The following GLI2 variants were observed in gnomAD, a reference collection of about 807,000 sequenced individuals.
GLI2 encodes GLI family zinc finger 2.
GLI2 carries 22 observed loss-of-function variants against 78.9 expected under a neutral mutation model. The observed-to-expected ratio is 0.28, with a 90% CI of 0.20 to 0.40. The LOEUF (loss-of-function observed/expected upper bound fraction) is 0.40, where lower values mean the gene tolerates loss of function less well. Ranked by LOEUF, GLI2 falls within the 10% of genes least tolerant of loss-of-function variation. The pLI is 1.00. For synonymous variants in GLI2, 974 were observed against 963.7 expected (o/e 1.01, Z -0.20); for missense variants, 2,097 against 2,213.2 (o/e 0.95, Z 1.05).
intron 3 of GLI2, among the ~76,000 whole-genome samples, chr2:120,934,980 C>T (rs1181636032): frequency 3.9e-5 from 6 of 152,212 alleles, no homozygotes; most frequent in Admixed American, 3.9e-4. Flanking sequence ...ACTCTGTCCT[C>T]AGTCATTCAC....
chr2:120,902,216 T>C (rs1244444614), intron 2 of GLI2, among the ~76,000 whole-genome samples: 1 of 111,204 alleles, frequency 9.0e-6, no homozygotes, highest in Admixed American at 9.8e-5. Context: ...CTTGCCCCAT[T>C]GCTTCCCCCA....
At chr2:120,898,409 G>T (rs940708203) in intron 2 of GLI2, among the ~76,000 whole-genome samples, 5 of 152,342 alleles carry the variant, frequency 3.3e-5, no homozygotes, top group African/African-American at 1.2e-4. Context: ...GCAAATGGAT[G>T]TGAGCGAGGG....
Position 120,989,353 on chromosome 2 carries a change from A to G in GLI2, c.3388A>G (p.Asn1130Asp), listed in dbSNP as rs1683163640. 1.2e-6 allele frequency: 2 copies of G among 1,612,862 alleles called. No individual in the cohort carries two copies. The highest frequency in any genetic ancestry group is 2.2e-5 in the South Asian group (2 of 91,096). ...LNKNNMPVQW[N>D]EVSSGTVDAL... is the part of the protein sequence containing the mutation. ...CAAAAATAACATGCCTGTGCAGTGG[A>G]ATGAGGTGAGCTCCGGCACCGTAGA... Residue 1130 changes from asparagine to aspartate, a missense_variant, in exon 14 of 14, where the codon AAT (asparagine) becomes GAT (aspartate). By Grantham distance (23) the Asn-to-Asp change is conservative. Around this residue, in one of 5 missense-constraint regions of GLI2, gnomAD observed 1,290 missense variants for 1,261.7 expected, o/e 1.02. Coordinates refer to ENST00000361492, the MANE Select transcript of GLI2 (RefSeq NM_001374353.1).
chr2:120,831,523 A>G (rs1686360187), intron 2 of GLI2, among the ~76,000 whole-genome samples: 1 of 152,232 alleles, frequency 6.6e-6, no homozygotes, highest in African/African-American at 2.4e-5. Context: ...ACCCAGGAAA[A>G]TAAAAGCCAG....
intron 3 of GLI2, among the ~76,000 whole-genome samples, chr2:120,941,561 G>A (rs1680448675): frequency 6.6e-6 from 1 of 152,188 alleles, no homozygotes. Context: ...GCAGTAAGAA[G>A]TTCCAGTTTG....
intron 1 of GLI2, among the ~76,000 whole-genome samples, chr2:120,753,353 C>T (rs1682936795): frequency 6.6e-6 from 1 of 152,196 alleles, no homozygotes; most frequent in South Asian, 2.1e-4. Flanking sequence ...GCGTCGACCT[C>T]TGAAAGTGCT....
chr2:120,941,907 G>A (rs541817076), intron 3 of GLI2, among the ~76,000 whole-genome samples: 28 of 152,288 alleles, frequency 1.8e-4, no homozygotes, highest in Non-Finnish European at 1.6e-4. Flanking sequence ...CAGGCGGCAG[G>A]GGGGAAAGCC....
Position 120,988,896 on chromosome 2 carries a change from C to G in GLI2, c.2931C>G (p.Asn977Lys). 6.6e-7 allele frequency: 1 copy of G among 1,507,774 alleles called. No homozygotes were observed. The highest frequency in any genetic ancestry group is 8.8e-7 in the Non-Finnish European group (1 of 1,130,808). The allele number at this position is 1,507,774 out of a possible 1,614,324, so 93.4% of individuals were successfully genotyped here. A position where few individuals can be genotyped will look rare whatever the true frequency, so the allele number is the denominator to read the frequency against. Reference protein sequence around the residue: ...VQRFHSTHNVNPGPLPPCADR... With the variant: ...VQRFHSTHNVKPGPLPPCADR... The stretch of plus-strand genomic sequence containing the variant: ...GCTTCCACAGCACCCACAACGTGAA[C>G]CCCGGCCCGCTGCCGCCCTGTGCCG... The change falls in exon 14 of 14, where the codon AAC becomes AAG. Residue 977 changes from asparagine (N) to lysine (K), a missense_variant. Physicochemically the swap from Asn to Lys is moderately conservative, Grantham distance 94 (BLOSUM62 0). Coordinates refer to ENST00000361492, the MANE Select transcript of GLI2 (RefSeq NM_001374353.1).
At chr2:120,955,126 C>T (rs1307808297) in intron 4 of GLI2, 119 bp from the exon 5 acceptor site, 16 of 730,034 alleles carry the variant, frequency 2.2e-5, no homozygotes, top group African/African-American at 7.2e-5. Context: ...AGAGAAACCC[C>T]GACACCAGGT....
At chr2:120,791,917 G>A (rs1028538814) in intron 1 of GLI2, among the ~76,000 whole-genome samples, 1 of 152,120 alleles carries the variant, frequency 6.6e-6, no homozygotes, top group African/African-American at 2.4e-5. Context: ...TGCTGTGTGA[G>A]TGTGTGAGCC....
chr2:120,925,942 G>A (rs944891359), intron 2 of GLI2, among the ~76,000 whole-genome samples: 3 of 151,904 alleles, frequency 2.0e-5, no homozygotes, highest in South Asian at 2.1e-4. Context: ...GCGTGGTGTC[G>A]GGCACCTGTG....
chr2:120,951,396 C>A lies in GLI2; in HGVS notation c.408C>A (p.Ser136Arg). The A allele has an allele frequency of 6.2e-7, 1 of 1,613,402 alleles. No individual in the cohort carries two copies. Among genetic ancestry groups the A allele is most frequent in the Non-Finnish European group, 8.5e-7 (1 of 1,179,446 alleles). The stretch of plus-strand genomic sequence containing the variant: ...ACTACCTCCGTTCTGTGCACAGCAG[C>A]CCCACGCTCTCCATGATCTCTGCAG... ...MEHYLRSVHS[S>R]PTLSMISAAR... Residue 136 changes from serine (S) to arginine (R), a missense_variant, in exon 4 of 14, where the codon AGC (serine) becomes AGA (arginine). This residue lies in a region of GLI2 where 578 missense variants were observed against 612.0 expected (regional missense o/e 0.94). Transcript: ENST00000361492.
At chr2:120,945,441 C>A (rs1444140651) in intron 3 of GLI2, among the ~76,000 whole-genome samples, 2 of 152,186 alleles carry the variant, frequency 1.3e-5, no homozygotes, top group Non-Finnish European at 2.9e-5. Flanking sequence ...GTCCAGGGAC[C>A]CTCTCCTGTT....
In GLI2 at chr2:120,912,222, T is replaced by G. The variant is rs544532492; in HGVS notation, c.149-15139T>G. 2.6e-4 allele frequency among the ~76,000 whole-genome samples: 39 copies of G among 152,214 alleles called. No individual in the cohort carries two copies. In the East Asian group the frequency reaches 7.5e-3, roughly 29 times the overall value. ...TGTTTATTTAAAAAGAAGTAGACTCTGTCTGCTTTTAATTCACATGCTTAG... is the reference window on the plus strand; with the variant it reads ...TGTTTATTTAAAAAGAAGTAGACTCGGTCTGCTTTTAATTCACATGCTTAG... On this transcript the variant is annotated intron_variant, in intron 2 of 13. Transcript: ENST00000361492.
intron 1 of GLI2, among the ~76,000 whole-genome samples, chr2:120,795,919 C>T (rs1182992456): frequency 6.6e-6 from 1 of 152,118 alleles, no homozygotes; most frequent in East Asian, 1.9e-4. Context: ...CGTGGTGGCT[C>T]ATGCCTGTAA....
intron 1 of GLI2, among the ~76,000 whole-genome samples, chr2:120,772,426 T>G (rs1400942838): frequency 1.3e-5 from 2 of 152,228 alleles, no homozygotes; most frequent in African/African-American, 4.8e-5. Flanking sequence ...ACACTTGTTT[T>G]GCTTTCTATA....
intron 2 of GLI2, among the ~76,000 whole-genome samples, chr2:120,898,764 A>G (rs1316299145): frequency 6.6e-6 from 1 of 152,166 alleles, no homozygotes; most frequent in Non-Finnish European, 1.5e-5. Context: ...AGATAGAGAA[A>G]ATAGATGAGG....
Position 120,912,543 on chromosome 2 carries a change from G to A in GLI2, c.149-14818G>A, listed in dbSNP as rs143673341. 1.2e-4 allele frequency among the ~76,000 whole-genome samples: 19 copies of A among 152,246 alleles called. No homozygotes were observed. In the East Asian group the frequency reaches 1.7e-3, roughly 14 times the overall value. The stretch of plus-strand genomic sequence containing the variant: ...ACTGTTTCCATGCGCCACAGTGGTC[G>A]TTGGTGGGGAGAGTGGGGAGGGTGG... On this transcript the variant is annotated intron_variant, in intron 2 of 13. Coordinates refer to ENST00000361492, the MANE Select transcript of GLI2 (RefSeq NM_001374353.1).
intron 5 of GLI2, among the ~76,000 whole-genome samples, chr2:120,966,598 T>A (rs967527468): frequency 6.6e-6 from 1 of 152,162 alleles, no homozygotes; most frequent in Non-Finnish European, 1.5e-5. Context: ...GAGAGGTGCT[T>A]CTCCTGGTGG....
Sources: gnomAD v4.1 joint callset for allele counts (sites outside exome capture counted in the v4.1 genomes callset) on GRCh38, gnomAD v4.1.1 for gene constraint, gnomAD v4.1.1 regional missense constraint, MANE v1.5 for transcripts, NCBI Gene and HGNC (gene_info 2026-07-23, HGNC 2026-07-21) for gene names.